Variants in PUM3 observed in about 807,000 individuals in gnomAD.
PUM3 encodes pumilio RNA binding family member 3, also known as pumilio homolog 3.
A neutral mutation model predicts 84.0 loss-of-function variants in PUM3; 91 were observed. That is an observed-to-expected ratio of 1.08 (90% CI 0.91 to 1.29). The LOEUF is 1.29. Among genes scored for constraint, PUM3 ranks in the 50% most tolerant of loss-of-function variants. The pLI is 0.00. For synonymous variants in PUM3, 321 were observed against 266.7 expected (o/e 1.20, Z -1.98); for missense variants, 1,067 against 767.5 (o/e 1.39, Z -4.61).
At chr9:2,825,448 A>C (rs1390842981) in intron 10 of PUM3, among the ~76,000 whole-genome samples, 1 of 151,972 alleles carries the variant, frequency 6.6e-6, no homozygotes, top group Non-Finnish European at 1.5e-5. Flanking sequence ...TTTAACCTTT[A>C]GCCTTCATTT....
intron 3 of PUM3, among the ~76,000 whole-genome samples, chr9:2,836,336 C>T (rs945904614): frequency 2.0e-5 from 3 of 152,156 alleles, no homozygotes; most frequent in African/African-American, 7.2e-5. Flanking sequence ...GAAAAATTCT[C>T]AGGATGTTGC....
chr9:2,814,615 A>T (rs3739460), intron 13 of PUM3, among the ~76,000 whole-genome samples: 82,573 of 152,010 alleles, frequency 0.54, 22,753 homozygotes, highest in South Asian at 0.61. Context: ...TTTAACCAAC[A>T]CATAAGAGAG....
rs1244154493 is a variant in PUM3, at chr9:2,810,378, C to T, written c.1689G>A (p.Glu563=). ...CATTTTCTTTCATCTTTTTATCTTG[C>T]TCTATTAACCACTTCAGAACTAGAT... is the stretch of plus-strand genomic sequence containing the variant. ...AGHLVLKWLI[E]QDKKMKENGR... Residue 563 remains glutamate (E), a synonymous_variant, in exon 16 of 18, where the codon GAG becomes GAA. Transcript: ENST00000397885. 3.1e-6 allele frequency: 5 copies of T among 1,612,070 alleles called. No homozygotes were observed. In the Admixed American group the frequency reaches 6.7e-5, roughly 22 times the overall value.
In PUM3 at chr9:2,804,247, T is replaced by G. The variant is rs1586713795; in HGVS notation, c.*84A>C. On this transcript the variant is annotated 3_prime_UTR_variant, in exon 18 of 18. Transcript: ENST00000397885. ...CAGAGTACCCCAATTACCAGTATGGTGGACCCTACCCCTTCTTTTCTGCAT... is the reference window on the plus strand; with the variant it reads ...CAGAGTACCCCAATTACCAGTATGGGGGACCCTACCCCTTCTTTTCTGCAT... 5.1e-6 allele frequency: 7 copies of G among 1,374,426 alleles called. No individual in the cohort carries two copies. The East Asian group carries it at 1.6e-4, about 32-fold the overall frequency. The allele number at this position is 1,374,426 out of a possible 1,614,324, so 85.1% of individuals were successfully genotyped here.
chr9:2,812,529 A>C (rs1821395281), intron 13 of PUM3, among the ~76,000 whole-genome samples, 167 bp from the exon 14 acceptor site: 1 of 152,230 alleles, frequency 6.6e-6, no homozygotes, highest in South Asian at 2.1e-4. Context: ...TGTCCTATAA[A>C]ATTATAAACA....
chr9:2,839,986 C>T (rs1362843500), intron 1 of PUM3, among the ~76,000 whole-genome samples: 1 of 152,180 alleles, frequency 6.6e-6, no homozygotes, highest in African/African-American at 2.4e-5. Context: ...CCACTAATAT[C>T]CTCTTTCTGT....
intron 6 of PUM3, 67 bp downstream of exon 6, chr9:2,831,184 G>C (rs968982628): frequency 8.4e-7 from 1 of 1,192,446 alleles, no homozygotes; most frequent in Non-Finnish European, 1.2e-6. Context: ...GACAGTCTTG[G>C]GTATTTTAAG....
At chr9:2,807,222 A>G (rs1423440221) in intron 17 of PUM3, among the ~76,000 whole-genome samples, 1 of 151,154 alleles carries the variant, frequency 6.6e-6, no homozygotes, top group Non-Finnish European at 1.5e-5. Context: ...AAAAAAAATT[A>G]TGTTTTGGTC....
intron 9 of PUM3, among the ~76,000 whole-genome samples, chr9:2,827,474 T>A (rs1181860759): frequency 1.3e-5 from 2 of 152,198 alleles, no homozygotes; most frequent in African/African-American, 2.4e-5. Flanking sequence ...GCACTGGACA[T>A]AATGATTAGA....
At chr9:2,814,261 G>GGAA (rs1436079464) in intron 13 of PUM3, among the ~76,000 whole-genome samples, 1 of 37,376 alleles carries the variant, frequency 2.7e-5, no homozygotes, top group African/African-American at 1.8e-4. Flanking sequence ...GCCCAGGCTG[G>GGAA]AGTGCAGTGG....
chr9:2,812,252 T>C lies in PUM3; in HGVS notation c.1380A>G (p.Glu460=), dbSNP rs1417865503. 2 of 1,613,648 alleles carry C rather than the reference T, an allele frequency of 1.2e-6. No individual in the cohort carries two copies. Among genetic ancestry groups the C allele is most frequent in the Non-Finnish European group, 1.7e-6 (2 of 1,179,728 alleles). Residue 460 remains glutamate, a synonymous_variant, in exon 14 of 18, where the codon GAA becomes GAG. Transcript: ENST00000397885. ...CATTTCCATCTCCTTTTTGCAGAAC[T>C]TCAATGATTTCTCGTACTGTATGTG... is the stretch of plus-strand genomic sequence containing the variant. ...DPAHTVREII[E]VLQKGDGNAH... is the part of the protein sequence containing the mutation.
rs534884652 is a variant in PUM3 at position 2,843,090 on chromosome 9, T to C, written c.-11+955A>G. Among the ~76,000 whole-genome samples, 8 of 152,330 alleles carry C rather than the reference T, an allele frequency of 5.3e-5. No individual in the cohort carries two copies. In the South Asian group the frequency reaches 8.3e-4, roughly 16 times the overall value. Reference sequence around the variant, plus strand: ...TCTAAAGAGAACCAGGGCCTATTCATGATTCTCACTTGCTTACAAGTCTTC... The same window carrying C: ...TCTAAAGAGAACCAGGGCCTATTCACGATTCTCACTTGCTTACAAGTCTTC... On this transcript the variant is annotated intron_variant, in intron 1 of 17. Coordinates refer to ENST00000397885, the MANE Select transcript of PUM3 (RefSeq NM_014878.5).
At position 2,811,507 on chromosome 9, in the gene PUM3, G is replaced by A; in HGVS notation, c.1489C>T (p.His497Tyr). The change falls in exon 15 of 18, where the codon CAC (histidine) becomes TAC (tyrosine). Residue 497 changes from histidine to tyrosine, a missense_variant. By Grantham distance (83) the His-to-Tyr change is moderately conservative. Transcript: ENST00000397885. Reference protein sequence around the residue: ...SPALLSYLQEHAQEVVLDKSA... With the variant: ...SPALLSYLQEYAQEVVLDKSA... ...TTATCTAGCACCACTTCTTGGGCGT[G>A]TTCTTGCAGGTAGCTTAACAAAGCT... is the stretch of plus-strand genomic sequence containing the variant. 1 of 1,614,172 alleles carries A rather than the reference G, an allele frequency of 6.2e-7. No homozygotes were observed. The highest frequency in any genetic ancestry group is 8.5e-7 in the Non-Finnish European group (1 of 1,180,026).
chr9:2,813,192 C>T (rs902179079), intron 13 of PUM3, among the ~76,000 whole-genome samples: 1 of 152,112 alleles, frequency 6.6e-6, no homozygotes, highest in Non-Finnish European at 1.5e-5. Flanking sequence ...TCTAGTTGTT[C>T]GAATTTAAGG....
At chr9:2,824,085 A>C (rs1426891562) in intron 11 of PUM3, among the ~76,000 whole-genome samples, 1 of 149,710 alleles carries the variant, frequency 6.7e-6, no homozygotes, top group Admixed American at 6.6e-5. Context: ...TAGGGTTTGC[A>C]AGCCACCTTT....
chr9:2,839,260 G>A (rs941820270), intron 1 of PUM3, among the ~76,000 whole-genome samples: 2 of 152,138 alleles, frequency 1.3e-5, no homozygotes, highest in African/African-American at 4.8e-5. Flanking sequence ...AAGCCATTTG[G>A]CTCATTTCTC....
intron 13 of PUM3, among the ~76,000 whole-genome samples, chr9:2,819,407 A>C (rs773966431): frequency 2.0e-5 from 3 of 152,234 alleles, no homozygotes; most frequent in Non-Finnish European, 2.9e-5. Context: ...ACTGGACTAG[A>C]AGGAATTTCT....
intron 1 of PUM3, 129 bp from the exon 2 acceptor site, chr9:2,838,646 A>G: frequency 1.7e-6 from 1 of 600,454 alleles, no homozygotes. Context: ...CAGATATAGA[A>G]TGGACAAGTA....
At chr9:2,825,825 G>C (rs1815802228) in intron 10 of PUM3, among the ~76,000 whole-genome samples, 1 of 152,036 alleles carries the variant, frequency 6.6e-6, no homozygotes, top group African/African-American at 2.4e-5. Flanking sequence ...ATGAGTTCTG[G>C]CAACTAACAA....
Sources: gnomAD v4.1 joint callset for allele counts (sites outside exome capture counted in the v4.1 genomes callset) on GRCh38, gnomAD v4.1.1 for gene constraint, MANE v1.5 for transcripts, NCBI Gene and HGNC (gene_info 2026-07-23, HGNC 2026-07-21) for gene names.